GPC5: variants seen among roughly 807,000 people sequenced by gnomAD.
GPC5 encodes the protein glypican-5.
A neutral mutation model predicts 53.9 loss-of-function variants in GPC5; 47 were observed. That is an observed-to-expected ratio of 0.87 (90% CI 0.69 to 1.11). The LOEUF is 1.11. GPC5 is among the 50% of genes most tolerant of loss of function. The pLI, the probability that GPC5 is intolerant of heterozygous loss-of-function variation, is 0.00. For missense variants in GPC5, 748 were observed against 713.1 expected (o/e 1.05, Z -0.56); for synonymous variants, 286 against 263.3 (o/e 1.09, Z -0.84).
chr13:91,437,379 C>G (rs1015470686), intron 1 of GPC5, among the ~76,000 whole-genome samples: 5 of 152,134 alleles, frequency 3.3e-5, no homozygotes, highest in Admixed American at 6.6e-5. Context: ...TTAGGGCAGG[C>G]CTGGTGGTGA....
At chr13:92,076,577 T>TTA (rs1555308906) in intron 6 of GPC5, among the ~76,000 whole-genome samples, 8 of 151,888 alleles carry the variant, frequency 5.3e-5, no homozygotes, top group African/African-American at 9.7e-5. Context: ...TTTTTTTTTT[T>TTA]ATCTTGCCCA....
intron 7 of GPC5, among the ~76,000 whole-genome samples, chr13:92,715,413 C>A (rs1007956113): frequency 3.9e-5 from 6 of 152,056 alleles, no homozygotes; most frequent in Admixed American, 3.9e-4. Flanking sequence ...GCTCTAAATT[C>A]AAGAAATAGT....
chr13:92,147,940 A>C (rs2041880456), intron 7 of GPC5, among the ~76,000 whole-genome samples: 2 of 152,100 alleles, frequency 1.3e-5, no homozygotes, highest in Admixed American at 1.3e-4. Flanking sequence ...TGGTAAAGCA[A>C]GTTAAGGCAT....
intron 7 of GPC5, among the ~76,000 whole-genome samples, chr13:92,297,059 C>G (rs560489474): frequency 2.0e-5 from 3 of 152,224 alleles, no homozygotes; most frequent in Non-Finnish European, 4.4e-5. Flanking sequence ...AAGCGCATGG[C>G]GCAGGACTGG....
intron 2 of GPC5, chr13:91,486,743 C>T (rs1270276701): frequency 1.3e-5 from 2 of 152,186 alleles, no homozygotes; most frequent in African/African-American, 4.8e-5. Flanking sequence ...ATGAGGATGT[C>T]TATTACTTAG....
chr13:92,513,267 A>C (rs1880642031), intron 7 of GPC5, among the ~76,000 whole-genome samples: 1 of 152,192 alleles, frequency 6.6e-6, no homozygotes, highest in Non-Finnish European at 1.5e-5. Flanking sequence ...AATCATTGAC[A>C]GTGTGCTTAG....
chr13:91,545,478 A>G (rs1251238608), intron 2 of GPC5, among the ~76,000 whole-genome samples: 1 of 152,160 alleles, frequency 6.6e-6, no homozygotes, highest in Non-Finnish European at 1.5e-5. Context: ...TTTTTGTAGG[A>G]GGAATTAAAT....
intron 2 of GPC5, among the ~76,000 whole-genome samples, chr13:91,662,622 T>C (rs955007923): frequency 5.9e-5 from 9 of 152,178 alleles, no homozygotes; most frequent in African/African-American, 2.2e-4. Context: ...CTCATTCAGT[T>C]TTATCTTTTA....
At position 92,638,030 on chromosome 13, in the gene GPC5, T is replaced by A. The variant is rs116790255; in HGVS notation, c.1562-228252T>A. On this transcript the variant is annotated intron_variant, in intron 7 of 7. Transcript: ENST00000377067. Reference sequence around the variant, plus strand: ...GTAAAAAAACAGTGAATGTAATTGTTTAACAATAGAAAGCAACTGAAATGA... The same window carrying A: ...GTAAAAAAACAGTGAATGTAATTGTATAACAATAGAAAGCAACTGAAATGA... Among the ~76,000 whole-genome samples the A allele has an allele frequency of 3.6e-3, 546 of 152,190 alleles. 4 individuals carry two copies. Among genetic ancestry groups the A allele is most frequent in the African/African-American group, 0.012 (479 of 41,532 alleles).
intron 7 of GPC5, among the ~76,000 whole-genome samples, chr13:92,724,647 G>A (rs551416040): frequency 1.3e-4 from 20 of 151,670 alleles, no homozygotes; most frequent in African/African-American, 3.1e-4. Context: ...TTCCACTTAC[G>A]TGAGGTATCT....
chr13:91,620,593 A>G (rs1324944695), intron 2 of GPC5, among the ~76,000 whole-genome samples: 1 of 152,122 alleles, frequency 6.6e-6, no homozygotes, highest in African/African-American at 2.4e-5. Context: ...CGCTCATGCC[A>G]TAAGATGGCT....
At chr13:92,698,168 CT>C (rs926993373) in intron 7 of GPC5, among the ~76,000 whole-genome samples, 3 of 150,310 alleles carry the variant, frequency 2.0e-5, no homozygotes, top group South Asian at 2.1e-4. Context: ...TTCTTTTTTT[CT>C]TTTTTTTTAA....
At chr13:92,268,939 CT>C (rs1400258058) in intron 7 of GPC5, among the ~76,000 whole-genome samples, 2 of 151,874 alleles carry the variant, frequency 1.3e-5, no homozygotes, top group East Asian at 3.9e-4. Flanking sequence ...AATTGTAGAT[CT>C]TTATTAAGTT....
chr13:92,677,328 A>G (rs1886978111), intron 7 of GPC5, among the ~76,000 whole-genome samples: 1 of 152,182 alleles, frequency 6.6e-6, no homozygotes, highest in African/African-American at 2.4e-5. Flanking sequence ...TACAACCTAA[A>G]CAAACTGGCT....
rs573706063 is a variant in GPC5 at position 92,086,762 on chromosome 13, G to A, written c.1402-58068G>A. Among the ~76,000 whole-genome samples the A allele has an allele frequency of 2.9e-3, 444 of 152,008 alleles. 4 individuals carry two copies. Among genetic ancestry groups the A allele is most frequent in the African/African-American group, 9.8e-3 (406 of 41,466 alleles). On this transcript the variant is annotated intron_variant, in intron 6 of 7. Coordinates refer to ENST00000377067, the MANE Select transcript of GPC5 (RefSeq NM_004466.6). ...CAACCTCCACCTCCCAGGTTCAAGC[G>A]ATTCTCCTGCCTCAGCCTCCCAAGT...
intron 7 of GPC5, among the ~76,000 whole-genome samples, chr13:92,562,599 C>G (rs1315223955): frequency 6.6e-6 from 1 of 151,980 alleles, no homozygotes; most frequent in Non-Finnish European, 1.5e-5. Context: ...GAAGATGACC[C>G]TATGTGGGCT....
chr13:92,694,318 C>T (rs1887498208), intron 7 of GPC5, among the ~76,000 whole-genome samples: 1 of 152,132 alleles, frequency 6.6e-6, no homozygotes, highest in Non-Finnish European at 1.5e-5. Flanking sequence ...GGCCACCATC[C>T]TCCAGACCCC....
chr13:91,861,444 A>G (rs1245543127), intron 5 of GPC5, among the ~76,000 whole-genome samples: 2 of 151,998 alleles, frequency 1.3e-5, no homozygotes, highest in African/African-American at 2.4e-5. Context: ...TGAATTGGTT[A>G]TTTCATAATT....
chr13:91,988,795 C>T (rs1474461444), intron 6 of GPC5, among the ~76,000 whole-genome samples: 1 of 149,672 alleles, frequency 6.7e-6, no homozygotes, highest in African/African-American at 2.4e-5. Flanking sequence ...ATGTGGAATA[C>T]TCTAATGATA....
Sources: allele counts gnomAD v4.1 joint callset (sites outside exome capture counted in the v4.1 genomes callset), GRCh38; gene constraint gnomAD v4.1.1; transcripts MANE v1.5; gene names NCBI Gene and HGNC (gene_info 2026-07-23, HGNC 2026-07-21).